The following HMCN2 variants were observed in gnomAD, a reference collection of about 807,000 sequenced individuals.
The protein encoded by HMCN2 is hemicentin-2.
In HMCN2, 325 loss-of-function variants were observed where a neutral mutation model predicts 377.5. The observed-to-expected ratio is 0.86, with a 90% CI of 0.79 to 0.94. The LOEUF is 0.94. Among genes scored for constraint, HMCN2 ranks in the 40% least tolerant of loss-of-function variants. The pLI, the probability that HMCN2 is intolerant of heterozygous loss-of-function variation, is 0.00. For missense variants in HMCN2, 4,543 were observed against 4,725.3 expected (o/e 0.96, Z 1.13); for synonymous variants, 2,007 against 2,046.8 (o/e 0.98, Z 0.53).
intron 59 of HMCN2, among the ~76,000 whole-genome samples, 200 bp downstream of exon 59, chr9:130,384,998 C>T (rs1023082220): frequency 5.3e-5 from 8 of 152,170 alleles, no homozygotes; most frequent in African/African-American, 1.9e-4. Context: ...CTCCCCAAGC[C>T]TTGTGTGGTG....
chr9:130,267,024 C>T (rs148950796), intron 1 of HMCN2, among the ~76,000 whole-genome samples: 142 of 152,222 alleles, frequency 9.3e-4, no homozygotes, highest in Non-Finnish European at 9.8e-4. Context: ...CAGCTCGCTG[C>T]AGCCTCGAAC....
intron 34 of HMCN2, among the ~76,000 whole-genome samples, chr9:130,357,365 A>T (rs1020633218): frequency 1.6e-4 from 13 of 80,942 alleles, no homozygotes; most frequent in African/African-American, 6.4e-4. Context: ...TGGATGGAAG[A>T]GTGGGTAGAT....
intron 49 of HMCN2, among the ~76,000 whole-genome samples, chr9:130,375,161 A>G (rs13302365): frequency 0.39 from 59,522 of 152,126 alleles, 12,121 homozygotes; most frequent in Middle Eastern, 0.48. Context: ...CCCCTGCGGG[A>G]GTTGAAAGAA....
Position 130,393,184 on chromosome 9 carries a change from C to T in HMCN2, c.10137-28C>T. ...TCTCTCTCTCCCTTTCTCTTGTCTC[C>T]TTCTCCCTCTCCTCTCGGGGGATTC... On this transcript the variant is annotated intron_variant, in intron 66 of 97. Coordinates refer to ENST00000683500, the MANE Select transcript of HMCN2 (RefSeq NM_001291815.2). The surrounding 1 kb of genome is among the most constrained non-coding windows in gnomAD (Gnocchi z 5.2). 1 of 985,582 alleles carries T rather than the reference C, an allele frequency of 1.0e-6. No individual in the cohort carries two copies. The highest frequency in any genetic ancestry group is 1.2e-6 in the Non-Finnish European group (1 of 827,946). The allele number at this position is 985,582 out of a possible 1,614,324, so 61.1% of individuals were successfully genotyped here. A position where few individuals can be genotyped will look rare whatever the true frequency, so the allele number is the denominator to read the frequency against.
chr9:130,426,533 C>T (rs1787913627), intron 90 of HMCN2, among the ~76,000 whole-genome samples: 2 of 152,164 alleles, frequency 1.3e-5, no homozygotes, highest in Admixed American at 1.3e-4. Context: ...ATCTGCACCG[C>T]GGGCATGACA....
Position 130,385,739 on chromosome 9 carries a change from A to G in HMCN2, c.9286A>G (p.Arg3096Gly). 7.7e-7 allele frequency: 1 copy of G among 1,304,036 alleles called. No homozygotes were observed. Among genetic ancestry groups the G allele is most frequent in the Non-Finnish European group, 1.0e-6 (1 of 988,896 alleles). The allele number at this position is 1,304,036 out of a possible 1,614,324, so 80.8% of individuals were successfully genotyped here. A position where few individuals can be genotyped will look rare whatever the true frequency, so the allele number is the denominator to read the frequency against. Residue 3096 changes from arginine to glycine, a missense_variant, in exon 60 of 98, where the codon AGG becomes GGG. By Grantham distance (125) the Arg-to-Gly change is moderately radical (BLOSUM62 -2). Coordinates refer to ENST00000683500, the MANE Select transcript of HMCN2 (RefSeq NM_001291815.2). ...GACCCAGGCTCTGCGGGGTGGGCAG[A>G]GGCTGGAGATCCAGGAAGCCCAGGT... Reference protein sequence around the residue: ...QRTQALRGGQRLEIQEAQVSD... With the variant: ...QRTQALRGGQGLEIQEAQVSD...
chr9:130,266,023 A>G lies in HMCN2; in HGVS notation c.145A>G (p.Met49Val), dbSNP rs1554918795. ...LAFVFDVTGS[M>V]WDELMQVIDG... ...CTTCGTCTTCGACGTCACCGGCTCC[A>G]TGTGGGACGAACTGATGCAGGTGAT... The change falls in exon 1 of 98, where the codon ATG (methionine) becomes GTG (valine). Residue 49 changes from methionine (M) to valine (V), a missense_variant. Transcript: ENST00000683500. 4.2e-6 allele frequency: 2 copies of G among 470,804 alleles called. No individual in the cohort carries two copies. The highest frequency in any genetic ancestry group is 8.8e-6 in the Non-Finnish European group (2 of 226,940). 29.2% of individuals were successfully genotyped at this position (470,804 alleles called of 1,614,324 possible). A position where few individuals can be genotyped will look rare whatever the true frequency, so the allele number is the denominator to read the frequency against.
At chr9:130,290,095 G>C (rs1554929491) in intron 4 of HMCN2, among the ~76,000 whole-genome samples, 1 of 152,178 alleles carries the variant, frequency 6.6e-6, no homozygotes, top group Non-Finnish European at 1.5e-5. Context: ...TGCATCGCAG[G>C]CTCGCTGGTC....
intron 62 of HMCN2, 122 bp downstream of exon 62, chr9:130,388,662 G>T: frequency 5.6e-6 from 3 of 533,180 alleles, no homozygotes; most frequent in Non-Finnish European, 6.9e-6. Context: ...GAGACTGGCA[G>T]TGCCGTGTTG....
Position 130,423,792 on chromosome 9 carries a change from T to C in HMCN2, c.13382-984T>C, listed in dbSNP as rs530342846. ...TCCAGGGCCATTTTTTGGTTCTTTT[T>C]TCAAACGGTTTGGAACAAACCGGGG... On this transcript the variant is annotated intron_variant, in intron 87 of 97. Coordinates refer to ENST00000683500, the MANE Select transcript of HMCN2 (RefSeq NM_001291815.2). This position sits in a 1 kb window ranked among gnomAD's most constrained non-coding sequence, Gnocchi z 5.5. Among the ~76,000 whole-genome samples, 2 of 152,278 alleles carry C rather than the reference T, an allele frequency of 1.3e-5. No individual in the cohort carries two copies. Among genetic ancestry groups the C allele is most frequent in the South Asian group, 4.1e-4 (2 of 4,826 alleles).
Position 130,340,668 on chromosome 9 carries a change from G to A in HMCN2, c.3488-443G>A, listed in dbSNP as rs1035843332. On this transcript the variant is annotated intron_variant, in intron 23 of 97. Coordinates refer to ENST00000683500, the MANE Select transcript of HMCN2 (RefSeq NM_001291815.2). ...CGAGTAGTTGGGATTACAGGTGCGCGCCACCACGCCCAGCTAATTTTTGTA... is the reference window on the plus strand; with the variant it reads ...CGAGTAGTTGGGATTACAGGTGCGCACCACCACGCCCAGCTAATTTTTGTA... Among the ~76,000 whole-genome samples the A allele has an allele frequency of 3.5e-3, 528 of 152,222 alleles. 2 individuals are homozygous for A. The highest frequency in any genetic ancestry group is 0.012 in the African/African-American group (492 of 41,536).
At position 130,271,433 on chromosome 9, in the gene HMCN2, A is replaced by G. The variant is rs542553899; in HGVS notation, c.259+5296A>G. 1.7e-4 allele frequency among the ~76,000 whole-genome samples: 26 copies of G among 149,132 alleles called. 1 individual carries two copies. Among genetic ancestry groups the G allele is most frequent in the African/African-American group, 6.0e-4 (25 of 41,346 alleles). On this transcript the variant is annotated intron_variant, in intron 1 of 97. Transcript: ENST00000683500. ...ATTAATTCAATCACTTGTCTACATCAGCATAGAATCATGGCTAGCTATTTT... is the reference window on the plus strand; with the variant it reads ...ATTAATTCAATCACTTGTCTACATCGGCATAGAATCATGGCTAGCTATTTT...
rs1840666734 is a variant in HMCN2, at chr9:130,365,910, C to G, written c.6540C>G (p.Thr2180=). Residue 2180 remains threonine, a synonymous_variant, in exon 43 of 98, where the codon ACC becomes ACG. Transcript: ENST00000683500. ...APVFPLRESH[T]LTVREGHPTR... ...TGTTCCCCTTGAGGGAATCCCACAC[C>G]CTGACTGTGAGAGAGGGGCACCCTA... 2.0e-6 allele frequency: 2 copies of G among 985,640 alleles called. No individual in the cohort carries two copies. The highest frequency in any genetic ancestry group is 3.5e-5 in the African/African-American group (2 of 57,244). 61.1% of individuals were successfully genotyped at this position (985,640 alleles called of 1,614,324 possible).
chr9:130,294,005 A>G (rs974915130), intron 4 of HMCN2, among the ~76,000 whole-genome samples: 1 of 152,098 alleles, frequency 6.6e-6, no homozygotes, highest in South Asian at 2.1e-4. Flanking sequence ...GGTGGGGTCC[A>G]GTGTAGCAGG....
intron 14 of HMCN2, among the ~76,000 whole-genome samples, 166 bp downstream of exon 14, chr9:130,307,732 A>C (rs1554937386): frequency 3.3e-5 from 5 of 150,388 alleles, no homozygotes; most frequent in Non-Finnish European, 1.5e-5. Context: ...CAGCTCCCCC[A>C]CCCTCACCCC....
At chr9:130,290,862 G>GAAAAAAAAA (rs34729181) in intron 4 of HMCN2, among the ~76,000 whole-genome samples, 1 of 121,186 alleles carries the variant, frequency 8.3e-6, no homozygotes, top group Non-Finnish European at 1.7e-5. Context: ...AGCTCAGTCT[G>GAAAAAAAAA]AAAAAAAAAA....
At chr9:130,358,367 ACT>A (rs1840163814) in intron 35 of HMCN2, 21 bp from the exon 36 acceptor site, 1 of 1,303,864 alleles carries the variant, frequency 7.7e-7, no homozygotes, top group Non-Finnish European at 1.0e-6. Context: ...CCTGTGGCAT[ACT>A]CTCTGCCCCC....
intron 90 of HMCN2, 32 bp from the exon 91 acceptor site, chr9:130,427,281 T>C: frequency 1.3e-6 from 2 of 1,549,580 alleles, no homozygotes; most frequent in Admixed American, 2.0e-5. Flanking sequence ...GACACCCTCA[T>C]GTCCTTAGAG....
At position 130,433,653 on chromosome 9, in the gene HMCN2, T is replaced by C. The variant is rs1490633231; in HGVS notation, c.15200T>C (p.Val5067Ala). 3 of 1,515,542 alleles carry C rather than the reference T, an allele frequency of 2.0e-6. No individual in the cohort carries two copies. Among genetic ancestry groups the C allele is most frequent in the Admixed American group, 4.4e-5 (2 of 45,490 alleles). 93.9% of individuals were successfully genotyped at this position (1,515,542 alleles called of 1,614,324 possible). A position where few individuals can be genotyped will look rare whatever the true frequency, so the allele number is the denominator to read the frequency against. The stretch of plus-strand genomic sequence containing the variant: ...GCTGCGGCACCGCGCCACCAAAGCG[T>C]CTTCGTCTTGCTCATCGCCGTGTCC... ...VRAAAPRHQS[V>A]FVLLIAVSPY... Residue 5067 changes from valine to alanine, a missense_variant, in exon 98 of 98, where the codon GTC (valine) becomes GCC (alanine). By Grantham distance (64) the Val-to-Ala change is moderately conservative (BLOSUM62 0). Coordinates refer to ENST00000683500, the MANE Select transcript of HMCN2 (RefSeq NM_001291815.2).
Sources: gnomAD v4.1 joint callset for allele counts (sites outside exome capture counted in the v4.1 genomes callset) on GRCh38, gnomAD v4.1.1 for gene constraint, Gnocchi (gnomAD v3.1) non-coding constraint, MANE v1.5 for transcripts, NCBI Gene and HGNC (gene_info 2026-07-23, HGNC 2026-07-21) for gene names.